The following LINGO2 variants were observed in gnomAD, a reference collection of about 807,000 sequenced individuals.
The protein encoded by LINGO2 is leucine rich repeat and Ig domain containing 2, also known as leucine-rich repeat and immunoglobulin-like domain-containing nogo receptor-interacting protein 2.
Under a neutral mutation model 30.6 loss-of-function variants are expected in LINGO2, and 14 were observed. The observed-to-expected ratio is 0.46, with a 90% confidence interval of 0.30 to 0.72. The LOEUF is 0.72. Ranked by LOEUF, LINGO2 falls within the 30% of genes least tolerant of loss-of-function variation. The pLI is 0.07. For missense variants in LINGO2, 729 were observed against 751.7 expected (o/e 0.97, Z 0.35); for synonymous variants, 317 against 288.5 (o/e 1.10, Z -1.00).
the LINGO2 span, among the ~76,000 whole-genome samples, chr9:28,926,090 G>A: frequency 7.9e-5 from 12 of 152,128 alleles, no homozygotes; most frequent in Admixed American, 3.9e-4. Flanking sequence ...CGAGGTTGGC[G>A]GATCATGAGG....
the LINGO2 span, among the ~76,000 whole-genome samples, chr9:29,071,197 T>TTGTATTGTAC: frequency 1.3e-5 from 2 of 149,718 alleles, no homozygotes; most frequent in East Asian, 3.9e-4. Flanking sequence ...TTGTATTGTA[T>TTGTATTGTAC]TGTATTTTTT....
chr9:28,893,811 T>C, the LINGO2 span, among the ~76,000 whole-genome samples: 2 of 151,946 alleles, frequency 1.3e-5, no homozygotes, highest in Non-Finnish European at 2.9e-5. Flanking sequence ...GCAGGTTAGT[T>C]AAATATGTAT....
At chr9:29,054,263 G>C in the LINGO2 span, among the ~76,000 whole-genome samples, 1 of 151,956 alleles carries the variant, frequency 6.6e-6, no homozygotes, top group Non-Finnish European at 1.5e-5. Flanking sequence ...ATTTAAAAAG[G>C]CCTCAAATTT....
At chr9:29,028,362 T>A in the LINGO2 span, among the ~76,000 whole-genome samples, 1 of 142,866 alleles carries the variant, frequency 7.0e-6, no homozygotes, top group Admixed American at 7.1e-5. Flanking sequence ...ATTCAGGTGA[T>A]GAGGTCATAA....
chr9:28,015,161 A>T lies in LINGO2; in HGVS notation c.-86-2756T>A, dbSNP rs12338794. ...TCCTTATTCAAGATCCTTTAACAAA[A>T]TGGAAATATATTAGTGGGAAGTAAT... is the stretch of plus-strand genomic sequence containing the variant. On this transcript the variant is annotated intron_variant, in intron 4 of 5. Transcript: ENST00000379992. Among the ~76,000 whole-genome samples the T allele has an allele frequency of 3.5e-3, 530 of 152,302 alleles. 4 individuals carry two copies. Among genetic ancestry groups the T allele is most frequent in the African/African-American group, 0.012 (508 of 41,580 alleles).
the LINGO2 span, among the ~76,000 whole-genome samples, chr9:29,206,013 C>T: frequency 6.6e-6 from 1 of 152,164 alleles, no homozygotes; most frequent in African/African-American, 2.4e-5. Context: ...TTTCAAGTAG[C>T]ATATTGTTTT....
At chr9:28,287,559 TTGCTTTCTAGCCA>T (rs1261571349) in intron 4 of LINGO2, among the ~76,000 whole-genome samples, 1 of 152,210 alleles carries the variant, frequency 6.6e-6, no homozygotes, top group Non-Finnish European at 1.5e-5. Context: ...TAAGCTAGGT[TTGCTTTCTAGCCA>T]TAAAAATGTG....
the LINGO2 span, among the ~76,000 whole-genome samples, chr9:28,777,497 G>A: frequency 6.6e-6 from 1 of 152,308 alleles, no homozygotes; most frequent in East Asian, 1.9e-4. Context: ...ACAAGATCAG[G>A]TATTGGGAAA....
intron 4 of LINGO2, among the ~76,000 whole-genome samples, chr9:28,055,577 G>A (rs185610753): frequency 6.6e-6 from 1 of 152,150 alleles, no homozygotes; most frequent in Admixed American, 6.6e-5. Flanking sequence ...GAAGTGTAAG[G>A]CTTCAGTCTA....
chr9:28,092,138 C>T (rs556646309), intron 4 of LINGO2, among the ~76,000 whole-genome samples: 3 of 152,230 alleles, frequency 2.0e-5, no homozygotes, highest in South Asian at 2.1e-4. Flanking sequence ...GACAGTATGG[C>T]GATTCCTCAA....
At chr9:29,017,063 G>T in the LINGO2 span, among the ~76,000 whole-genome samples, 1 of 152,126 alleles carries the variant, frequency 6.6e-6, no homozygotes, top group Non-Finnish European at 1.5e-5. Context: ...GAAGGTTAGA[G>T]ATTCAAAACA....
chr9:28,628,805 G>C (rs989881317), intron 1 of LINGO2, among the ~76,000 whole-genome samples: 1 of 151,998 alleles, frequency 6.6e-6, no homozygotes, highest in Non-Finnish European at 1.5e-5. Flanking sequence ...GCAATGATGA[G>C]CCTCCGGTAA....
chr9:29,035,034 C>G, the LINGO2 span, among the ~76,000 whole-genome samples: 1 of 151,836 alleles, frequency 6.6e-6, no homozygotes, highest in East Asian at 1.9e-4. Context: ...GCAGAGAAAC[C>G]AAATATTCAA....
chr9:28,505,932 G>A (rs1245303132), intron 1 of LINGO2, among the ~76,000 whole-genome samples: 1 of 151,732 alleles, frequency 6.6e-6, no homozygotes, highest in Non-Finnish European at 1.5e-5. Context: ...TAAGCACAAA[G>A]GAATTATTAT....
intron 4 of LINGO2, among the ~76,000 whole-genome samples, chr9:28,095,544 T>G (rs974491575): frequency 2.0e-5 from 3 of 151,818 alleles, no homozygotes; most frequent in African/African-American, 4.8e-5. Context: ...CCTTACACCT[T>G]ATACAAAAAT....
chr9:29,123,491 C>A, the LINGO2 span, among the ~76,000 whole-genome samples: 4 of 151,660 alleles, frequency 2.6e-5, no homozygotes, highest in Non-Finnish European at 5.9e-5. Flanking sequence ...CTTTAATAAG[C>A]TTTTAAATAA....
At chr9:28,697,446 C>T in the LINGO2 span, among the ~76,000 whole-genome samples, 28 of 151,806 alleles carry the variant, frequency 1.8e-4, 2 homozygotes, top group Non-Finnish European at 4.1e-4. Flanking sequence ...AATTGTTTTA[C>T]CTAGTGGTTA....
At chr9:28,416,857 C>T (rs767518430) in intron 2 of LINGO2, among the ~76,000 whole-genome samples, 4 of 152,052 alleles carry the variant, frequency 2.6e-5, no homozygotes, top group Non-Finnish European at 5.9e-5. Flanking sequence ...ATTTTTTAAT[C>T]TAATGTATAC....
intron 4 of LINGO2, among the ~76,000 whole-genome samples, chr9:28,173,825 C>T (rs1256939994): frequency 6.6e-6 from 1 of 152,088 alleles, no homozygotes; most frequent in African/African-American, 2.4e-5. Flanking sequence ...CTTATTGAGC[C>T]ACTGGAATTT....
Sources: allele counts gnomAD v4.1 joint callset (sites outside exome capture counted in the v4.1 genomes callset), GRCh38; gene constraint gnomAD v4.1.1; transcripts MANE v1.5; gene names NCBI Gene and HGNC (gene_info 2026-07-23, HGNC 2026-07-21).